TNPO3: variants seen among roughly 807,000 people sequenced by gnomAD.
TNPO3 encodes the protein transportin-3.
Under a neutral mutation model 122.8 loss-of-function variants are expected in TNPO3, and 65 were observed. The ratio of observed to expected loss-of-function variants is 0.53; its 90% CI spans 0.43 to 0.65. The LOEUF is 0.65. TNPO3 is among the 30% of genes least tolerant of loss of function. TNPO3 has a pLI of 0.00. For missense variants in TNPO3, 850 were observed against 1,136.7 expected, an observed-to-expected ratio of 0.75 and a Z score of 3.63; for synonymous variants, 372 against 411.2, an observed-to-expected ratio of 0.90 and a Z score of 1.15.
chr7:129,042,958 C>T (rs3807301), intron 1 of TNPO3, among the ~76,000 whole-genome samples: 41,106 of 151,748 alleles, frequency 0.27, 6,481 homozygotes, highest in Middle Eastern at 0.38. Context: ...TACATAAATA[C>T]ATTTTCTAGA....
At chr7:128,981,096 G>A (rs1023965256) in intron 14 of TNPO3, among the ~76,000 whole-genome samples, 2 of 152,288 alleles carry the variant, frequency 1.3e-5, no homozygotes, top group Non-Finnish European at 2.9e-5. Flanking sequence ...ATCTATTTCA[G>A]ATTTTCTTTC....
At chr7:128,981,648 T>C (rs1799635508) in intron 14 of TNPO3, among the ~76,000 whole-genome samples, 2 of 152,044 alleles carry the variant, frequency 1.3e-5, no homozygotes, top group African/African-American at 4.8e-5. Flanking sequence ...TTCTGATGCA[T>C]GTGGAATGAT....
In TNPO3 at chr7:128,986,742, C is replaced by G. The variant is rs1400336917; in HGVS notation, c.1677G>C (p.Val559=). The G allele has an allele frequency of 6.2e-7, 1 of 1,612,564 alleles. No homozygotes were observed. The highest frequency in any genetic ancestry group is 1.1e-5 in the South Asian group (1 of 90,816). ...DSFLLSPEAA[V]GLLKGTALVL... Reference sequence around the variant, plus strand: ...TCAAGTGAGTACCTTTTAGCAAGCCCACAGCAGCTTCTGGAGACAACAGGA... The same window carrying G: ...TCAAGTGAGTACCTTTTAGCAAGCCGACAGCAGCTTCTGGAGACAACAGGA... The change falls in exon 12 of 23, where the codon GTG becomes GTC. Residue 559 remains valine (V), a synonymous_variant. Transcript: ENST00000265388.
chr7:128,995,736 C>A (rs891891849), intron 8 of TNPO3, among the ~76,000 whole-genome samples: 24 of 152,098 alleles, frequency 1.6e-4, no homozygotes, highest in South Asian at 2.1e-4. Context: ...TCTTGCTCTA[C>A]TGCCCAGGCT....
At chr7:129,005,709 G>T (rs1407602108) in intron 4 of TNPO3, among the ~76,000 whole-genome samples, 2 of 151,476 alleles carry the variant, frequency 1.3e-5, no homozygotes, top group Non-Finnish European at 2.9e-5. Flanking sequence ...AGCCTGTACA[G>T]CCCACAGAAC....
chr7:129,045,418 C>T (rs1807907289), intron 1 of TNPO3, among the ~76,000 whole-genome samples: 1 of 151,570 alleles, frequency 6.6e-6, no homozygotes, highest in Admixed American at 6.6e-5. Context: ...ATAGCTTGAG[C>T]CTGGGAGTTT....
rs531814726 is a variant in TNPO3 at position 128,999,369 on chromosome 7, T to A, written c.1011+1060A>T. 7.2e-5 allele frequency among the ~76,000 whole-genome samples: 11 copies of A among 152,230 alleles called. No individual in the cohort carries two copies. The South Asian group carries it at 1.7e-3, about 23-fold the overall frequency. On this transcript the variant is annotated intron_variant, in intron 7 of 22. Coordinates refer to ENST00000265388, the MANE Select transcript of TNPO3 (RefSeq NM_012470.4). ...TTCCATATGGTACTGTTTAAAGGAGTGATAACTGCGTGGTGTTACATTCTC... is the reference window on the plus strand; with the variant it reads ...TTCCATATGGTACTGTTTAAAGGAGAGATAACTGCGTGGTGTTACATTCTC...
intron 1 of TNPO3, among the ~76,000 whole-genome samples, chr7:129,044,464 C>T (rs965155514): frequency 6.6e-6 from 1 of 152,096 alleles, no homozygotes; most frequent in Non-Finnish European, 1.5e-5. Context: ...GAAAACCCAC[C>T]AAAAGGAAAA....
rs1340679493 is a variant in TNPO3, at chr7:128,980,031, C to T, written c.1860G>A (p.Arg620=). ...CATTTTCCACAATGGGATTGGTATGCCTGGGAAAAGACAACAGCCCAAAAT... is the reference window on the plus strand; with the variant it reads ...CATTTTCCACAATGGGATTGGTATGTCTGGGAAAAGACAACAGCCCAAAAT... The part of the protein sequence containing the change: ...VFLDRLAVIF[R]HTNPIVENGQ... Residue 620 remains arginine, a splice_region_variant and synonymous_variant, in exon 15 of 23, where the codon AGG becomes AGA. Transcript: ENST00000265388. The T allele has an allele frequency of 6.2e-7, 1 of 1,613,982 alleles. No homozygotes were observed. Among genetic ancestry groups the T allele is most frequent in the South Asian group, 1.1e-5 (1 of 91,072 alleles).
intron 1 of TNPO3, among the ~76,000 whole-genome samples, chr7:129,038,894 G>A (rs571631490): frequency 6.6e-6 from 1 of 152,114 alleles, no homozygotes; most frequent in Non-Finnish European, 1.5e-5. Context: ...TAACACCTGG[G>A]TAACAAAATA....
chr7:129,023,238 T>C (rs1804740602), intron 1 of TNPO3, among the ~76,000 whole-genome samples: 2 of 152,154 alleles, frequency 1.3e-5, no homozygotes, highest in African/African-American at 4.8e-5. Flanking sequence ...TTAAAAACTT[T>C]ATAGTGCTGT....
At chr7:128,983,806 T>A (rs764157352) in intron 13 of TNPO3, among the ~76,000 whole-genome samples, 1 of 152,178 alleles carries the variant, frequency 6.6e-6, no homozygotes, top group Non-Finnish European at 1.5e-5. Context: ...TGCCTGTAAC[T>A]CCTACATCCC....
intron 1 of TNPO3, among the ~76,000 whole-genome samples, chr7:129,019,718 G>A (rs779936811): frequency 6.6e-6 from 1 of 152,114 alleles, no homozygotes; most frequent in Non-Finnish European, 1.5e-5. Context: ...CTGGGGCCCA[G>A]CACAGTCACT....
rs954541248 is a variant in TNPO3, at chr7:128,957,431, C to T, written c.2712-116G>A. The T allele has an allele frequency of 3.6e-5, 36 of 1,003,326 alleles. 1 individual carries two copies. The Middle Eastern group carries it at 1.4e-3, about 40-fold the overall frequency. 62.2% of individuals were successfully genotyped at this position (1,003,326 alleles called of 1,614,324 possible). ...GTCCCAACTCTGCTAGGAGCTCTCT[C>T]CATCGTCTCCTGAGCGATCCTGGCT... On this transcript the variant is annotated intron_variant, in intron 21 of 22. Coordinates refer to ENST00000265388, the MANE Select transcript of TNPO3 (RefSeq NM_012470.4).
chr7:128,967,675 G>C (rs1798056635), intron 20 of TNPO3, among the ~76,000 whole-genome samples: 1 of 152,156 alleles, frequency 6.6e-6, no homozygotes, highest in South Asian at 2.1e-4. Flanking sequence ...TTCGGGATGA[G>C]GCTATTGTTT....
At chr7:129,043,915 T>G (rs1339896878) in intron 1 of TNPO3, among the ~76,000 whole-genome samples, 1 of 152,190 alleles carries the variant, frequency 6.6e-6, no homozygotes, top group African/African-American at 2.4e-5. Context: ...TACAGAAAAT[T>G]TATCTTCTTT....
intron 12 of TNPO3, among the ~76,000 whole-genome samples, chr7:128,985,044 A>C (rs1338775996): frequency 2.6e-5 from 4 of 152,152 alleles, no homozygotes; most frequent in Non-Finnish European, 5.9e-5. Context: ...CCAAATCCAA[A>C]GGATTACGTA....
Position 128,983,986 on chromosome 7 carries a change from T to C in TNPO3, c.1782+182A>G, listed in dbSNP as rs545068154. On this transcript the variant is annotated intron_variant, in intron 13 of 22. Coordinates refer to ENST00000265388, the MANE Select transcript of TNPO3 (RefSeq NM_012470.4). ...TGTTAACACTGATATAATGAGAATCTATTAATTCTGAAATATTTATTGTAT... is the reference window on the plus strand; with the variant it reads ...TGTTAACACTGATATAATGAGAATCCATTAATTCTGAAATATTTATTGTAT... Among the ~76,000 whole-genome samples, 3 of 152,366 alleles carry C rather than the reference T, an allele frequency of 2.0e-5. No homozygotes were observed. In the East Asian group the frequency reaches 5.8e-4, roughly 29 times the overall value.
intron 4 of TNPO3, among the ~76,000 whole-genome samples, chr7:129,011,751 A>C (rs1803225252): frequency 1.3e-5 from 2 of 152,218 alleles, no homozygotes; most frequent in Non-Finnish European, 2.9e-5. Context: ...TGAAAAAGCA[A>C]GATGCAGAAG....
Sources: gnomAD v4.1 joint callset for allele counts (sites outside exome capture counted in the v4.1 genomes callset) on GRCh38, gnomAD v4.1.1 for gene constraint, MANE v1.5 for transcripts, NCBI Gene and HGNC (gene_info 2026-07-23, HGNC 2026-07-21) for gene names.